Variants in ZNF713 observed in about 807,000 individuals in gnomAD.
ZNF713 encodes the protein zinc finger protein 713.
Under a neutral mutation model 28.7 loss-of-function variants are expected in ZNF713, and 21 were observed. That is an observed-to-expected ratio of 0.73 (90% CI 0.52 to 1.05). ZNF713 has a LOEUF of 1.05. Ranked by LOEUF, ZNF713 falls within the 50% of genes least tolerant of loss-of-function variation. The pLI, the probability that ZNF713 is intolerant of heterozygous loss-of-function variation, is 0.00. For synonymous variants in ZNF713, 167 were observed against 178.0 expected, an observed-to-expected ratio of 0.94 and a Z score of 0.49; for missense variants, 458 against 532.4, an observed-to-expected ratio of 0.86 and a Z score of 1.37.
intron 1 of ZNF713, among the ~76,000 whole-genome samples, chr7:55,890,427 G>T (rs911361754): frequency 1.4e-5 from 2 of 147,774 alleles, no homozygotes; most frequent in African/African-American, 5.0e-5. Context: ...TCCAGTCTGG[G>T]CAAGAGAGCG....
intron 2 of ZNF713, among the ~76,000 whole-genome samples, chr7:55,907,163 C>G (rs1315022297): frequency 6.6e-6 from 1 of 152,076 alleles, no homozygotes; most frequent in African/African-American, 2.4e-5. Context: ...GGCATTTTTG[C>G]TGAGAAAAAT....
In ZNF713 at chr7:55,896,583, ATATG is replaced by A. The variant is rs567350266; in HGVS notation, c.-583+8905_-583+8908del. ...AGTATGAACTCATGATATTTAATATATATGTGTGTGTGTGTGTGTATATATATAT... is the reference window on the plus strand; with the variant it reads ...AGTATGAACTCATGATATTTAATATATGTGTGTGTGTGTGTATATATATAT... On this transcript the variant is annotated intron_variant, in intron 1 of 6. Transcript: ENST00000429591. Among the ~76,000 whole-genome samples the A allele has an allele frequency of 2.6e-3, 345 of 133,988 alleles. 4 individuals are homozygous for A. The highest frequency in any genetic ancestry group is 8.9e-3 in the African/African-American group (333 of 37,506). 87.9% of individuals were successfully genotyped at this position (133,988 alleles called of 152,430 possible). A position where few individuals can be genotyped will look rare whatever the true frequency, so the allele number is the denominator to read the frequency against.
At chr7:55,893,670 C>T (rs1029691348) in intron 1 of ZNF713, among the ~76,000 whole-genome samples, 10 of 152,146 alleles carry the variant, frequency 6.6e-5, no homozygotes, top group Non-Finnish European at 1.0e-4. Flanking sequence ...ACCTCCGCCT[C>T]CCGGGTTCAA....
intron 4 of ZNF713, among the ~76,000 whole-genome samples, chr7:55,918,821 C>T (rs1263910567): frequency 6.6e-6 from 1 of 151,854 alleles, no homozygotes; most frequent in Non-Finnish European, 1.5e-5. Flanking sequence ...GGTGAAACCT[C>T]GTCTCTACTA....
In ZNF713 at chr7:55,927,896, C is replaced by CAAAAAAAAAAAAAAAAAAAAA. The variant is rs71533249; in HGVS notation, c.307+4201_307+4221dup. ...TGGGTGACAGAGCAAGACTCTGTCT[C>CAAAAAAAAAAAAAAAAAAAAA]AAAAAAAAAAAAAAAAAAAAAAAAG... On this transcript the variant is annotated intron_variant, in intron 6 of 6. Coordinates refer to ENST00000429591, the MANE Select transcript of ZNF713 (RefSeq NM_182633.3). Among the ~76,000 whole-genome samples the CAAAAAAAAAAAAAAAAAAAAA allele has an allele frequency of 6.7e-5, 3 of 44,940 alleles. 1 individual carries two copies. Among genetic ancestry groups the CAAAAAAAAAAAAAAAAAAAAA allele is most frequent in the Non-Finnish European group, 3.6e-5 (1 of 27,618 alleles). The allele number at this position is 44,940 out of a possible 152,430, so 29.5% of individuals were successfully genotyped here.
In ZNF713 at chr7:55,932,534, A is replaced by C. The variant is rs1295217677; in HGVS notation, c.308-6448A>C. On this transcript the variant is annotated intron_variant, in intron 6 of 6. Transcript: ENST00000429591. Reference sequence around the variant, plus strand: ...AGCAAGACCCTGTCTCAAAAAAAAAAAAAAAAAAATCTAATATATGTTTGG... The same window carrying C: ...AGCAAGACCCTGTCTCAAAAAAAAACAAAAAAAAATCTAATATATGTTTGG... 3.3e-5 allele frequency among the ~76,000 whole-genome samples: 5 copies of C among 151,814 alleles called. No individual in the cohort carries two copies. In the South Asian group the frequency reaches 1.0e-3, roughly 32 times the overall value.
chr7:55,940,624 C>G lies in ZNF713; in HGVS notation c.*618C>G, dbSNP rs4947532. 0.051 allele frequency: 46,159 copies of G among 907,418 alleles called. 1,262 individuals are homozygous for G. The highest frequency in any genetic ancestry group is 0.07 in the Admixed American group (1,116 of 16,054). 56.2% of individuals were successfully genotyped at this position (907,418 alleles called of 1,614,324 possible). On this transcript the variant is annotated 3_prime_UTR_variant, in exon 7 of 7. Coordinates refer to ENST00000429591, the MANE Select transcript of ZNF713 (RefSeq NM_182633.3). ...GGCATGGTGGTGCACACCTGCAATCCCAGCTACTCTGGAGACTGAGGCATG... is the reference window on the plus strand; with the variant it reads ...GGCATGGTGGTGCACACCTGCAATCGCAGCTACTCTGGAGACTGAGGCATG...
At chr7:55,892,583 G>T (rs981655020) in intron 1 of ZNF713, among the ~76,000 whole-genome samples, 9 of 72,584 alleles carry the variant, frequency 1.2e-4, no homozygotes, top group Non-Finnish European at 2.2e-4. Flanking sequence ...AAAAAACAAA[G>T]CAGAATAGGC....
At chr7:55,893,845 G>T (rs765840380) in intron 1 of ZNF713, among the ~76,000 whole-genome samples, 20 of 152,182 alleles carry the variant, frequency 1.3e-4, no homozygotes, top group Non-Finnish European at 2.2e-4. Context: ...TTCCCAAATT[G>T]CTGGGATTAC....
At chr7:55,933,420 C>T (rs575518603) in intron 6 of ZNF713, among the ~76,000 whole-genome samples, 34 of 151,598 alleles carry the variant, frequency 2.2e-4, no homozygotes, top group African/African-American at 8.0e-4. Flanking sequence ...CTCAGCCTCC[C>T]GAGTAGCTGG....
intron 4 of ZNF713, among the ~76,000 whole-genome samples, chr7:55,922,389 A>G (rs978492694): frequency 2.6e-5 from 4 of 151,896 alleles, no homozygotes; most frequent in Non-Finnish European, 4.4e-5. Context: ...CCAAAAATAT[A>G]TAGCTGGGCG....
rs1217494472 is a variant in ZNF713, at chr7:55,918,708, G to A, written c.88-4454G>A. ...TAACATTGTTACCTTCAGTAACAAG[G>A]AAAATAGAGGCCAGGCATGGTGGCT... On this transcript the variant is annotated intron_variant, in intron 4 of 6. Coordinates refer to ENST00000429591, the MANE Select transcript of ZNF713 (RefSeq NM_182633.3). Among the ~76,000 whole-genome samples the A allele has an allele frequency of 2.6e-5, 4 of 152,302 alleles. No individual in the cohort carries two copies. In the East Asian group the frequency reaches 7.7e-4, roughly 29 times the overall value.
chr7:55,919,490 G>GTTTTGTTTTTTTTTT (rs1785945273), intron 4 of ZNF713, among the ~76,000 whole-genome samples: 1 of 66,760 alleles, frequency 1.5e-5, no homozygotes, highest in Non-Finnish European at 3.1e-5. Flanking sequence ...AAACACTCCA[G>GTTTTGTTTTTTTTTT]TTTTTTTTTT....
intron 1 of ZNF713, among the ~76,000 whole-genome samples, chr7:55,904,463 T>TAAAAAAAA (rs71015118): frequency 2.4e-5 from 1 of 41,288 alleles, no homozygotes; most frequent in African/African-American, 8.8e-5. Context: ...ACTGTATCTT[T>TAAAAAAAA]AAAAAAAAAA....
intron 6 of ZNF713, among the ~76,000 whole-genome samples, chr7:55,937,458 G>A (rs1426086502): frequency 6.6e-6 from 1 of 152,136 alleles, no homozygotes; most frequent in Non-Finnish European, 1.5e-5. Context: ...CTCAGGCAGG[G>A]AGAAAGATAG....
At chr7:55,908,564 C>T (rs1304473661) in intron 2 of ZNF713, among the ~76,000 whole-genome samples, 1 of 150,162 alleles carries the variant, frequency 6.7e-6, no homozygotes, top group Non-Finnish European at 1.5e-5. Context: ...TTCATATGTT[C>T]GTTGGCTGCT....
At chr7:55,937,111 C>G (rs182388418) in intron 6 of ZNF713, among the ~76,000 whole-genome samples, 1 of 151,966 alleles carries the variant, frequency 6.6e-6, no homozygotes, top group Admixed American at 6.6e-5. Context: ...CCAGCCTGAC[C>G]AACATGGCAA....
intron 6 of ZNF713, among the ~76,000 whole-genome samples, chr7:55,938,015 C>T (rs1786387858): frequency 6.6e-6 from 1 of 152,076 alleles, no homozygotes; most frequent in South Asian, 2.1e-4. Context: ...ATCAGCCTGG[C>T]CAACATGGTG....
chr7:55,927,001 G>T (rs1428614000), intron 6 of ZNF713, among the ~76,000 whole-genome samples: 2 of 152,068 alleles, frequency 1.3e-5, no homozygotes, highest in Non-Finnish European at 2.9e-5. Flanking sequence ...ACTTAGCCAG[G>T]CATGGTTGTG....
Sources: allele counts gnomAD v4.1 joint callset (sites outside exome capture counted in the v4.1 genomes callset), GRCh38; gene constraint gnomAD v4.1.1; transcripts MANE v1.5; gene names NCBI Gene and HGNC (gene_info 2026-07-23, HGNC 2026-07-21).